The following TGFB2 variants were observed in gnomAD, a reference collection of about 807,000 sequenced individuals.
TGFB2 encodes transforming growth factor beta 2, also known as transforming growth factor beta-2 proprotein.
In TGFB2, 13 loss-of-function variants were observed where a neutral mutation model predicts 42.7. The ratio of observed to expected loss-of-function variants is 0.30; its 90% CI spans 0.20 to 0.48. The LOEUF is 0.48. Ranked by LOEUF, TGFB2 falls within the 20% of genes least tolerant of loss-of-function variation. The pLI is 0.99. For synonymous variants in TGFB2, 193 were observed against 193.6 expected (o/e 1.00, Z 0.03); for missense variants, 390 against 517.5 (o/e 0.75, Z 2.39).
intron 1 of TGFB2, among the ~76,000 whole-genome samples, chr1:218,378,356 T>C (rs7546632): frequency 0.1 from 15,802 of 152,192 alleles, 959 homozygotes; most frequent in African/African-American, 0.17. Context: ...TTTGCATTTT[T>C]AGTAGAGACG....
At chr1:218,361,371 G>C (rs1195421007) in intron 1 of TGFB2, among the ~76,000 whole-genome samples, 1 of 152,148 alleles carries the variant, frequency 6.6e-6, no homozygotes, top group East Asian at 1.9e-4. Flanking sequence ...GTAAACCAAA[G>C]GTGCATACTT....
At chr1:218,350,752 A>T (rs1449857057) in intron 1 of TGFB2, among the ~76,000 whole-genome samples, 2 of 152,188 alleles carry the variant, frequency 1.3e-5, no homozygotes, top group Non-Finnish European at 2.9e-5. Context: ...TATTTAGCTT[A>T]AGTGATGGTG....
intron 1 of TGFB2, among the ~76,000 whole-genome samples, chr1:218,399,904 A>G (rs917978191): frequency 2.6e-5 from 4 of 152,170 alleles, no homozygotes; most frequent in African/African-American, 4.8e-5. Context: ...TGCTAGACCC[A>G]GCGCTCCAAC....
chr1:218,391,632 A>G (rs1658319089), intron 1 of TGFB2, among the ~76,000 whole-genome samples: 1 of 152,194 alleles, frequency 6.6e-6, no homozygotes, highest in Non-Finnish European at 1.5e-5. Flanking sequence ...TAAAATCAGG[A>G]CTTAAATCAA....
At chr1:218,349,142 A>C (rs1656788739) in intron 1 of TGFB2, among the ~76,000 whole-genome samples, 1 of 152,192 alleles carries the variant, frequency 6.6e-6, no homozygotes, top group African/African-American at 2.4e-5. Context: ...GTCCAAGATA[A>C]ATAAAATATA....
intron 1 of TGFB2, among the ~76,000 whole-genome samples, chr1:218,396,813 A>C (rs1394917685): frequency 6.6e-6 from 1 of 152,198 alleles, no homozygotes; most frequent in Non-Finnish European, 1.5e-5. Flanking sequence ...CAACCCAGGC[A>C]TCAAGATTTT....
chr1:218,357,127 G>C (rs1245881008), intron 1 of TGFB2, among the ~76,000 whole-genome samples: 1 of 151,866 alleles, frequency 6.6e-6, no homozygotes, highest in African/African-American at 2.4e-5. Flanking sequence ...CAGGAGAATT[G>C]CTCGAACCCG....
chr1:218,386,128 CA>C (rs1658127817), intron 1 of TGFB2, among the ~76,000 whole-genome samples: 1 of 152,116 alleles, frequency 6.6e-6, no homozygotes, highest in Admixed American at 6.5e-5. Context: ...TTAAGTACTA[CA>C]GAACAAATCT....
intron 1 of TGFB2, among the ~76,000 whole-genome samples, chr1:218,378,490 T>C (rs1312186319): frequency 1.3e-5 from 2 of 151,926 alleles, no homozygotes; most frequent in Non-Finnish European, 2.9e-5. Flanking sequence ...TTTTGGGTAT[T>C]TTTAGTAGAG....
intron 1 of TGFB2, among the ~76,000 whole-genome samples, chr1:218,350,959 A>T (rs1309740968): frequency 2.0e-5 from 3 of 152,252 alleles, no homozygotes; most frequent in Admixed American, 6.5e-5. Context: ...AAGTAGATAC[A>T]CTAAAAATAT....
Position 218,434,151 on chromosome 1 carries a change from G to A in TGFB2, c.580G>A (p.Ala194Thr). Residue 194 changes from alanine (A) to threonine (T), a missense_variant, in exon 3 of 7, where the codon GCA (alanine) becomes ACA (threonine). Transcript: ENST00000366930. ...YIDSKVVKTR[A>T]EGEWLSFDVT... is the part of the protein sequence containing the mutation. ...CGACAGCAAAGTTGTGAAAACAAGA[G>A]CAGAAGGCGAATGGCTCTCCTTCGA... 6.2e-7 allele frequency: 1 copy of A among 1,614,200 alleles called. No homozygotes were observed. Among genetic ancestry groups the A allele is most frequent in the African/African-American group, 1.3e-5 (1 of 75,050 alleles).
At chr1:218,373,379 C>T (rs990577417) in intron 1 of TGFB2, among the ~76,000 whole-genome samples, 2 of 151,400 alleles carry the variant, frequency 1.3e-5, no homozygotes, top group African/African-American at 4.9e-5. Context: ...TCTTTTATAA[C>T]AATATGATTA....
At chr1:218,417,828 T>C (rs1571886517) in intron 2 of TGFB2, among the ~76,000 whole-genome samples, 2 of 152,142 alleles carry the variant, frequency 1.3e-5, no homozygotes, top group African/African-American at 4.8e-5. Flanking sequence ...CTTCAGAGGG[T>C]GCAAGCCCCA....
chr1:218,370,423 T>C (rs919112784), intron 1 of TGFB2, among the ~76,000 whole-genome samples: 1 of 152,106 alleles, frequency 6.6e-6, no homozygotes, highest in African/African-American at 2.4e-5. Flanking sequence ...TTGAAAAAAT[T>C]GATGTATTTT....
At chr1:218,374,826 T>C (rs989438742) in intron 1 of TGFB2, among the ~76,000 whole-genome samples, 2 of 152,196 alleles carry the variant, frequency 1.3e-5, no homozygotes, top group East Asian at 1.9e-4. Context: ...TTCAAACTGC[T>C]GTCACTGGAG....
intron 1 of TGFB2, among the ~76,000 whole-genome samples, chr1:218,388,890 G>A (rs1001271540): frequency 1.3e-5 from 2 of 152,236 alleles, no homozygotes; most frequent in Non-Finnish European, 2.9e-5. Flanking sequence ...GTTGGAATAT[G>A]ATGGCGGTCT....
chr1:218,377,411 A>C (rs140125541), intron 1 of TGFB2, among the ~76,000 whole-genome samples: 160 of 152,344 alleles, frequency 1.1e-3, no homozygotes, highest in Non-Finnish European at 1.9e-3. Context: ...ATTGGAACCC[A>C]GTGCTTTACG....
intron 2 of TGFB2, among the ~76,000 whole-genome samples, chr1:218,418,037 C>G (rs1437717690): frequency 3.3e-5 from 5 of 152,192 alleles, no homozygotes; most frequent in Non-Finnish European, 7.3e-5. Flanking sequence ...TTGGAGCCCC[C>G]ACACAGAGTT....
chr1:218,358,242 C>T (rs1414844264), intron 1 of TGFB2, among the ~76,000 whole-genome samples: 1 of 152,110 alleles, frequency 6.6e-6, no homozygotes, highest in African/African-American at 2.4e-5. Flanking sequence ...TTTCAGAGCT[C>T]TAAAATATTT....
Sources: gnomAD v4.1 joint callset for allele counts (sites outside exome capture counted in the v4.1 genomes callset) on GRCh38, gnomAD v4.1.1 for gene constraint, MANE v1.5 for transcripts, NCBI Gene and HGNC (gene_info 2026-07-23, HGNC 2026-07-21) for gene names.